Variants in FLII observed in about 807,000 individuals in gnomAD.
FLII encodes protein flightless-1 homolog.
Under a neutral mutation model 156.2 loss-of-function variants are expected in FLII, and 101 were observed. The ratio of observed to expected loss-of-function variants is 0.65; its 90% CI spans 0.55 to 0.76. The LOEUF (loss-of-function observed/expected upper bound fraction) is 0.76. FLII is among the 30% of genes least tolerant of loss of function. The pLI is 0.00. For synonymous variants in FLII, 767 were observed against 685.8 expected (o/e 1.12, Z -1.85); for missense variants, 1,675 against 1,682.8 (o/e 1.00, Z 0.08).
rs1261406624 is a variant in FLII, at chr17:18,246,628, T to C, written c.3017A>G (p.Lys1006Arg). Residue 1006 changes from lysine to arginine, a missense_variant, in exon 23 of 30, where the codon AAG (lysine) becomes AGG (arginine). Transcript: ENST00000327031. The part of the protein sequence containing the change: ...GWLTFTFSLQ[K>R]KFESLFPGKL... ...CCCAGGGAAGAGGCTCTCGAACTTCTTTTGCAGGCTGAAGGTGAAGGTGAG... is the reference window on the plus strand; with the variant it reads ...CCCAGGGAAGAGGCTCTCGAACTTCCTTTGCAGGCTGAAGGTGAAGGTGAG... 7 of 1,613,960 alleles carry C rather than the reference T, an allele frequency of 4.3e-6. No individual in the cohort carries two copies. The South Asian group carries it at 7.7e-5, about 18-fold the overall frequency.
chr17:18,248,685 T>TTTCCGCTC lies in FLII; in HGVS notation c.2047_2054dup (p.Gly686SerfsTer77), dbSNP rs772169521. The TTTCCGCTC allele has an allele frequency of 1.2e-6, 2 of 1,613,846 alleles. No individual in the cohort carries two copies. The highest frequency in any genetic ancestry group is 1.7e-6 in the Non-Finnish European group (2 of 1,179,778). On this transcript the variant is annotated frameshift_variant, in exon 18 of 30. Coordinates refer to ENST00000327031, the MANE Select transcript of FLII (RefSeq NM_002018.4). LOFTEE classifies it high-confidence loss of function. ...CCAGCAGTGTGATCTCAGCCTTCCC[T>TTTCCGCTC]TTCCGCTCATTCTTGTTAATTTTCT...
rs745569501 is a variant in FLII at position 18,245,193 on chromosome 17, T to C, written c.3755A>G (p.His1252Arg). 3.8e-5 allele frequency: 61 copies of C among 1,613,816 alleles called. No homozygotes were observed. The South Asian group carries it at 4.2e-4, about 11-fold the overall frequency. Residue 1252 changes from histidine to arginine, a missense_variant, in exon 30 of 30, where the codon CAC (histidine) becomes CGC (arginine). His to Arg is a conservative substitution (Grantham distance 29, BLOSUM62 0). Coordinates refer to ENST00000327031, the MANE Select transcript of FLII (RefSeq NM_002018.4). ...GGCGTGGAAGCAGCGGGTAAAGGCG[T>C]GCTGCTCATTGCCCTTGCGGACCAG... ...LRLVRKGNEQ[H>R]AFTRCFHAWS...
At chr17:18,257,186 G>T (rs911916668) in intron 1 of FLII, 167 bp from the exon 2 acceptor site, 7 of 551,254 alleles carry the variant, frequency 1.3e-5, no homozygotes, top group Non-Finnish European at 1.3e-5. Flanking sequence ...CCCATAGAAT[G>T]GGAATTTTAA....
rs763809804 is a variant in FLII, at chr17:18,248,833, GC to G, written c.1984del (p.Ala662ProfsTer5). On this transcript the variant is annotated frameshift_variant, in exon 17 of 30. Coordinates refer to ENST00000327031, the MANE Select transcript of FLII (RefSeq NM_002018.4). LOFTEE classifies it high-confidence loss of function. ...GGTGGTGCTGCTCAGTGTGGCCTGG[GC>G]CCCCCGCCATACGTAGATGTCTAGC... ...RGLDIYVWRGAQATLSSTTKA... is the reference protein window; with the variant it reads ...RGLDIYVWRGXQATLSSTTKA... 1 of 1,612,184 alleles carries G rather than the reference GC, an allele frequency of 6.2e-7. No homozygotes were observed.
chr17:18,247,656 C>T lies in FLII; in HGVS notation c.2487+1G>A, dbSNP rs759503113. On this transcript the variant is annotated splice_donor_variant, in intron 20 of 29. Transcript: ENST00000327031. LOFTEE classifies it high-confidence loss of function. ...AGGGGCCTCCGAAGCTGCAAGCGCA[C>T]CTGCGCCTCGGTGCCCTCGAGGCTG... 4.4e-6 allele frequency: 7 copies of T among 1,582,808 alleles called. No individual in the cohort carries two copies. Among genetic ancestry groups the T allele is most frequent in the Non-Finnish European group, 6.0e-6 (7 of 1,170,438 alleles).
At position 18,256,576 on chromosome 17, in the gene FLII, T is replaced by C; in HGVS notation, c.196A>G (p.Asn66Asp). Residue 66 changes from asparagine to aspartate, a missense_variant, in exon 3 of 30, where the codon AAC becomes GAC. Transcript: ENST00000327031. ...QKLEHLSVSH[N>D]NLTTLHGELS... Reference sequence around the variant, plus strand: ...TCCCCATGAAGCGTGGTCAGGTTGTTGTGGCTCACAGACAAGTGTTCCTGG... The same window carrying C: ...TCCCCATGAAGCGTGGTCAGGTTGTCGTGGCTCACAGACAAGTGTTCCTGG... The C allele has an allele frequency of 6.4e-7, 1 of 1,551,724 alleles. No homozygotes were observed. The highest frequency in any genetic ancestry group is 8.7e-7 in the Non-Finnish European group (1 of 1,147,022).
intron 2 of FLII, 30 bp from the exon 3 acceptor site, chr17:18,256,627 C>T (rs1279405889): frequency 6.5e-7 from 1 of 1,543,992 alleles, no homozygotes; most frequent in South Asian, 1.2e-5. Flanking sequence ...ACAGGCTCAG[C>T]AGGGTGGGTG....
chr17:18,249,290 C>T (rs1422106883), intron 15 of FLII, 36 bp downstream of exon 15: 7 of 1,611,672 alleles, frequency 4.3e-6, no homozygotes, highest in Non-Finnish European at 5.9e-6. Context: ...CCAGCAGACT[C>T]CAGGTCCATA....
chr17:18,247,940 T>C lies in FLII; in HGVS notation c.2284A>G (p.Arg762Gly). 6.2e-7 allele frequency: 1 copy of C among 1,614,088 alleles called. No homozygotes were observed. Among genetic ancestry groups the C allele is most frequent in the South Asian group, 1.1e-5 (1 of 91,082 alleles). ...CCTGCATCTCTTACCAGCCGCATTC[T>C]TGGCATCAGCTCCACCTTGGGACGC... ...KQRPKVELMP[R>G]MRLLQSLLDT... The change falls in exon 19 of 30, where the codon AGA (arginine) becomes GGA (glycine). Residue 762 changes from arginine (R) to glycine (G), a missense_variant. Physicochemically the swap from Arg to Gly is moderately radical, Grantham distance 125. Transcript: ENST00000327031.
rs747983785 is a variant in FLII at position 18,254,821 on chromosome 17, G to C, written c.361C>G (p.Arg121Gly). ...ATGTTCTTGGCGTTCTCCAGCTCCC[G>C]CGGGCACTCTGTCAGCTGGTTGTGG... is the stretch of plus-strand genomic sequence containing the variant. Reference protein sequence around the residue: ...LSHNQLTECPRELENAKNMLV... With the variant: ...LSHNQLTECPGELENAKNMLV... Residue 121 changes from arginine to glycine, a missense_variant, in exon 5 of 30, where the codon CGG becomes GGG. Around this residue, in one of 2 missense-constraint regions of FLII, gnomAD observed 343 missense variants for 413.5 expected, o/e 0.83. Coordinates refer to ENST00000327031, the MANE Select transcript of FLII (RefSeq NM_002018.4). 6.2e-7 allele frequency: 1 copy of C among 1,614,140 alleles called. No individual in the cohort carries two copies. Among genetic ancestry groups the C allele is most frequent in the South Asian group, 1.1e-5 (1 of 91,090 alleles).
chr17:18,248,480 T>G, intron 18 of FLII, 70 bp downstream of exon 18: 1 of 1,408,454 alleles, frequency 7.1e-7, no homozygotes, highest in Non-Finnish European at 9.7e-7. Flanking sequence ...ACTACATCGG[T>G]GTGTAGTCCA....
chr17:18,249,481 G>A (rs2048193424), intron 14 of FLII, 73 bp from the exon 15 acceptor site: 2 of 1,183,912 alleles, frequency 1.7e-6, no homozygotes, highest in Admixed American at 1.8e-5. Flanking sequence ...CCTCAGGTGG[G>A]GGTACAGAGT....
chr17:18,252,260 G>T, intron 10 of FLII, 114 bp from the exon 11 acceptor site: 1 of 1,056,424 alleles, frequency 9.5e-7, no homozygotes, highest in Non-Finnish European at 1.4e-6. Context: ...TCAGGGAACT[G>T]GGTTCTCCTC....
At position 18,251,012 on chromosome 17, in the gene FLII, A is replaced by T; in HGVS notation, c.1602T>A (p.Phe534Leu). The T allele has an allele frequency of 6.2e-7, 1 of 1,612,870 alleles. No homozygotes were observed. The highest frequency in any genetic ancestry group is 8.5e-7 in the Non-Finnish European group (1 of 1,179,468). The change falls in exon 14 of 30, where the codon TTT (phenylalanine) becomes TTA (leucine). Residue 534 changes from phenylalanine (F) to leucine (L), a missense_variant. By Grantham distance (22) the Phe-to-Leu change is conservative. Coordinates refer to ENST00000327031, the MANE Select transcript of FLII (RefSeq NM_002018.4). The part of the protein sequence containing the change: ...EADCYIVLKT[F>L]LDDSGSLNWE... The stretch of plus-strand genomic sequence containing the variant: ...AGTTGAGGGAGCCGCTGTCATCCAG[A>T]AAGGTCTGGAAGCCAAGGCACCGGC...
At chr17:18,248,959 A>G in intron 16 of FLII, 76 bp from the exon 17 acceptor site, 1 of 1,458,006 alleles carries the variant, frequency 6.9e-7, no homozygotes, top group Non-Finnish European at 9.6e-7. Context: ...ACCCCACCAA[A>G]AAAAATCCCT....
At chr17:18,253,986 G>T in intron 7 of FLII, 93 bp downstream of exon 7, 1 of 947,672 alleles carries the variant, frequency 1.1e-6, no homozygotes, top group Non-Finnish European at 1.6e-6. Context: ...TCTGGGTATT[G>T]GTCCGAAGAG....
Position 18,251,676 on chromosome 17 carries a change from T to C in FLII, c.1383+4A>G. The C allele has an allele frequency of 6.2e-7, 1 of 1,613,918 alleles. No homozygotes were observed. The highest frequency in any genetic ancestry group is 8.5e-7 in the Non-Finnish European group (1 of 1,180,002). ...TGCCTTGTCCCAACCCTGGCCTGGC[T>C]CACCTCCTGCTTTTTGTTCTTCTCC... is the stretch of plus-strand genomic sequence containing the variant. On this transcript the variant is annotated splice_donor_region_variant and intron_variant, in intron 12 of 29. Transcript: ENST00000327031.
chr17:18,245,842 G>A lies in FLII; in HGVS notation c.3405C>T (p.Asn1135=), dbSNP rs1473839994. 13 of 1,613,894 alleles carry A rather than the reference G, an allele frequency of 8.1e-6. No individual in the cohort carries two copies. Among genetic ancestry groups the A allele is most frequent in the South Asian group, 2.2e-5 (2 of 91,052 alleles). Residue 1135 remains asparagine (N), a synonymous_variant, in exon 27 of 30, where the codon AAC becomes AAT. Transcript: ENST00000327031. ...AGAAGTTCTCAGGCTCCTCACCTTC[G>A]TTGATAACCTGCGGGAAAGGCCAGT... is the stretch of plus-strand genomic sequence containing the variant. The part of the protein sequence containing the change: ...FDTSYSKQVI[N]EGEEPENFFW...
At chr17:18,257,828 C>T (rs1194589552) in intron 1 of FLII, among the ~76,000 whole-genome samples, 3 of 152,226 alleles carry the variant, frequency 2.0e-5, no homozygotes, top group Non-Finnish European at 4.4e-5. Flanking sequence ...CCAGGCCGAC[C>T]CTGCCAGTCA....
Sources: allele counts gnomAD v4.1 joint callset (sites outside exome capture counted in the v4.1 genomes callset), GRCh38; gene constraint gnomAD v4.1.1; regional missense constraint gnomAD v4.1.1; transcripts MANE v1.5; gene names NCBI Gene and HGNC (gene_info 2026-07-23, HGNC 2026-07-21).